Variants in SORCS3 observed in about 807,000 individuals in gnomAD.
SORCS3 encodes the protein VPS10 domain-containing receptor SorCS3.
SORCS3 carries 57 observed loss-of-function variants against 146.3 expected under a neutral mutation model. That is an observed-to-expected ratio of 0.39 (90% CI 0.31 to 0.49). The LOEUF is 0.49. SORCS3 is among the 20% of genes least tolerant of loss of function. The pLI is 0.92. For missense variants in SORCS3, 1,341 were observed against 1,575.5 expected, an observed-to-expected ratio of 0.85 and a Z score of 2.52; for synonymous variants, 653 against 618.5, an observed-to-expected ratio of 1.06 and a Z score of -0.83.
At chr10:105,037,246 A>C (rs945478385) in intron 4 of SORCS3, among the ~76,000 whole-genome samples, 3 of 152,202 alleles carry the variant, frequency 2.0e-5, no homozygotes, top group Non-Finnish European at 2.9e-5. Context: ...AGGTGGTGAC[A>C]GGGAAGCCAC....
intron 1 of SORCS3, among the ~76,000 whole-genome samples, chr10:104,806,475 C>T (rs557817445): frequency 2.6e-5 from 4 of 152,242 alleles, no homozygotes; most frequent in East Asian, 1.9e-4. Flanking sequence ...TGGAAGCCAA[C>T]GTTGCAAGAT....
intron 1 of SORCS3, among the ~76,000 whole-genome samples, chr10:104,687,861 A>G (rs554319721): frequency 4.1e-4 from 63 of 152,276 alleles, no homozygotes; most frequent in Non-Finnish European, 6.8e-4. Flanking sequence ...CAATAATAGT[A>G]CTGAAAACAT....
At position 105,164,369 on chromosome 10, in the gene SORCS3, C is replaced by T. The variant is rs1443701718; in HGVS notation, c.1799C>T (p.Thr600Ile). The T allele has an allele frequency of 6.2e-7, 1 of 1,612,214 alleles. No homozygotes were observed. Among genetic ancestry groups the T allele is most frequent in the Admixed American group, 1.7e-5 (1 of 59,988 alleles). Reference sequence around the variant, plus strand: ...TTCATCTCCTCCGATGGGGGCAACACATGGAGACAGGTAACTGGGTGAATT... The same window carrying T: ...TTCATCTCCTCCGATGGGGGCAACATATGGAGACAGGTAACTGGGTGAATT... ...GVFISSDGGN[T>I]WRQIFDEEYN... Residue 600 changes from threonine to isoleucine, a missense_variant, in exon 12 of 27, where the codon ACA becomes ATA. Transcript: ENST00000369701.
chr10:105,217,301 T>G (rs1456760943), intron 19 of SORCS3, among the ~76,000 whole-genome samples, 179 bp downstream of exon 19: 2 of 152,158 alleles, frequency 1.3e-5, no homozygotes, highest in African/African-American at 2.4e-5. Context: ...TGAAATAGAT[T>G]GATTATTTTG....
chr10:104,853,074 C>T (rs185053533), intron 2 of SORCS3, among the ~76,000 whole-genome samples: 28 of 152,272 alleles, frequency 1.8e-4, no homozygotes, highest in African/African-American at 5.5e-4. Flanking sequence ...CCAAGGCGGG[C>T]GGATCACAAA....
chr10:104,966,694 T>C (rs183821522), intron 3 of SORCS3, among the ~76,000 whole-genome samples: 75 of 152,256 alleles, frequency 4.9e-4, no homozygotes, highest in African/African-American at 1.8e-3. Flanking sequence ...TATTCATCAA[T>C]GATATTGTAA....
At chr10:104,841,208 G>A (rs2018136091) in intron 1 of SORCS3, among the ~76,000 whole-genome samples, 1 of 152,114 alleles carries the variant, frequency 6.6e-6, no homozygotes, top group Non-Finnish European at 1.5e-5. Context: ...AATGGGAGGG[G>A]CAAAGACCTC....
intron 4 of SORCS3, among the ~76,000 whole-genome samples, chr10:105,021,386 G>T (rs1271971610): frequency 6.6e-6 from 1 of 152,022 alleles, no homozygotes; most frequent in Non-Finnish European, 1.5e-5. Flanking sequence ...TTCCCATTAG[G>T]CCCCACCTCC....
At chr10:104,870,161 A>AT (rs1315905377) in intron 2 of SORCS3, among the ~76,000 whole-genome samples, 10 of 152,344 alleles carry the variant, frequency 6.6e-5, no homozygotes, top group Admixed American at 3.9e-4. Flanking sequence ...ATTTTACCAT[A>AT]TTTTTTATCA....
chr10:104,982,187 G>C (rs1188539507), intron 4 of SORCS3, among the ~76,000 whole-genome samples: 1 of 152,168 alleles, frequency 6.6e-6, no homozygotes, highest in African/African-American at 2.4e-5. Context: ...ACAGGACCCA[G>C]TACAGAGGAG....
At chr10:104,646,406 G>C (rs2015496057) in intron 1 of SORCS3, among the ~76,000 whole-genome samples, 1 of 152,346 alleles carries the variant, frequency 6.6e-6, no homozygotes, top group African/African-American at 2.4e-5. Flanking sequence ...TCAGTGGCAG[G>C]AAGGCTCAGT....
intron 20 of SORCS3, among the ~76,000 whole-genome samples, chr10:105,234,754 C>T (rs1051903903): frequency 2.0e-5 from 3 of 151,704 alleles, no homozygotes; most frequent in Non-Finnish European, 4.4e-5. Context: ...TTACATTGCT[C>T]ATCTGTTTTG....
chr10:105,168,337 T>TGAC (rs940150415), intron 13 of SORCS3, among the ~76,000 whole-genome samples: 1 of 152,148 alleles, frequency 6.6e-6, no homozygotes, highest in Non-Finnish European at 1.5e-5. Flanking sequence ...ATGATGATGA[T>TGAC]GACGACGATG....
At chr10:105,156,513 C>T (rs2056210567) in intron 9 of SORCS3, among the ~76,000 whole-genome samples, 1 of 152,166 alleles carries the variant, frequency 6.6e-6, no homozygotes, top group African/African-American at 2.4e-5. Context: ...TGCATAGTCT[C>T]ATGGATCCTT....
intron 5 of SORCS3, among the ~76,000 whole-genome samples, chr10:105,045,239 AGAG>A (rs1201529024): frequency 6.6e-6 from 1 of 152,134 alleles, no homozygotes; most frequent in Non-Finnish European, 1.5e-5. Context: ...GCAAAGAGCA[AGAG>A]GAGAAGGTTC....
intron 1 of SORCS3, chr10:104,664,962 GGT>G (rs1184047478): frequency 6.5e-6 from 1 of 152,780 alleles, no homozygotes; most frequent in Non-Finnish European, 1.5e-5. Context: ...GGACATTCCT[GGT>G]CAAGGAGACA....
intron 5 of SORCS3, 102 bp from the exon 6 acceptor site, chr10:105,089,673 A>G: frequency 3.4e-6 from 3 of 886,994 alleles, no homozygotes; most frequent in Middle Eastern, 2.1e-4. Flanking sequence ...GTCCTCTTTG[A>G]GAAAATGGAT....
In SORCS3 at chr10:104,641,312, CG is replaced by C; in HGVS notation, c.-14del. 7.8e-7 allele frequency: 1 copy of C among 1,282,970 alleles called. No individual in the cohort carries two copies. Among genetic ancestry groups the C allele is most frequent in the Non-Finnish European group, 9.8e-7 (1 of 1,018,360 alleles). The allele number at this position is 1,282,970 out of a possible 1,614,324, so 79.5% of individuals were successfully genotyped here. On this transcript the variant is annotated 5_prime_UTR_variant, in exon 1 of 27. Transcript: ENST00000369701. This position sits in a 1 kb window ranked among gnomAD's most constrained non-coding sequence, Gnocchi z 6.4. Reference sequence around the variant, plus strand: ...GCCACACACTCGGCAGCCCGAGCCGCGGTAGCCGCAGCGGGATGGAGGCGGC... The same window carrying C: ...GCCACACACTCGGCAGCCCGAGCCGCGTAGCCGCAGCGGGATGGAGGCGGC...
chr10:105,123,236 C>T (rs1412598655), intron 7 of SORCS3, among the ~76,000 whole-genome samples: 2 of 152,194 alleles, frequency 1.3e-5, no homozygotes, highest in Non-Finnish European at 2.9e-5. Flanking sequence ...GAACTTAGAA[C>T]AGCATAGAAA....
Sources: gnomAD v4.1 joint callset for allele counts (sites outside exome capture counted in the v4.1 genomes callset) on GRCh38, gnomAD v4.1.1 for gene constraint, Gnocchi (gnomAD v3.1) non-coding constraint, MANE v1.5 for transcripts, NCBI Gene and HGNC (gene_info 2026-07-23, HGNC 2026-07-21) for gene names.